The following AEBP2 variants were observed in gnomAD, a reference collection of about 807,000 sequenced individuals.
The protein encoded by AEBP2 is AE binding protein 2.
A neutral mutation model predicts 50.8 loss-of-function variants in AEBP2; 10 were observed. The ratio of observed to expected loss-of-function variants is 0.20; its 90% CI spans 0.12 to 0.33. The LOEUF (loss-of-function observed/expected upper bound fraction) is 0.33, where lower values mean the gene tolerates loss of function less well. Among genes scored for constraint, AEBP2 ranks in the 10% least tolerant of loss-of-function variants. The pLI is 1.00. For missense variants in AEBP2, 570 were observed against 688.0 expected (o/e 0.83, Z 1.92); for synonymous variants, 296 against 261.3 (o/e 1.13, Z -1.28).
chr12:19,494,395 C>T (rs1948939149), intron 4 of AEBP2, among the ~76,000 whole-genome samples: 1 of 151,854 alleles, frequency 6.6e-6, no homozygotes, highest in African/African-American at 2.4e-5. Context: ...GTGATCGCGC[C>T]ACCACACTTG....
At chr12:19,473,881 A>G (rs6486961) in intron 3 of AEBP2, among the ~76,000 whole-genome samples, 76,227 of 152,000 alleles carry the variant, frequency 0.5, 20,302 homozygotes, top group Non-Finnish European at 0.61. Flanking sequence ...TTTGAAGTAC[A>G]GGAGAAATGT....
intron 1 of AEBP2, among the ~76,000 whole-genome samples, chr12:19,454,865 G>A (rs772058354): frequency 6.6e-6 from 1 of 152,160 alleles, no homozygotes; most frequent in South Asian, 2.1e-4. Context: ...TGCCGATAAG[G>A]CTTGCCCCTA....
chr12:19,468,720 A>G (rs1215836118), intron 2 of AEBP2, among the ~76,000 whole-genome samples: 1 of 152,154 alleles, frequency 6.6e-6, no homozygotes, highest in Non-Finnish European at 1.5e-5. Flanking sequence ...AAGGAGACTC[A>G]GACTACCCTT....
intron 2 of AEBP2, among the ~76,000 whole-genome samples, chr12:19,467,459 T>A (rs960558446): frequency 6.6e-6 from 1 of 152,002 alleles, no homozygotes; most frequent in Non-Finnish European, 1.5e-5. Flanking sequence ...ACACCTGACT[T>A]ACTTTTGTAT....
intron 1 of AEBP2, chr12:19,413,545 G>T: frequency 1.4e-6 from 1 of 712,836 alleles, no homozygotes; most frequent in Non-Finnish European, 2.6e-6. Flanking sequence ...TTTGTTTATT[G>T]TCTATATGCC....
At chr12:19,413,068 A>T (rs1018232483) in intron 1 of AEBP2, 16 of 543,516 alleles carry the variant, frequency 2.9e-5, no homozygotes, top group Non-Finnish European at 5.4e-5. Context: ...ATCCAAGCAC[A>T]GTCTCAGCTT....
At chr12:19,460,708 C>T (rs1948360632) in intron 1 of AEBP2, among the ~76,000 whole-genome samples, 2 of 149,056 alleles carry the variant, frequency 1.3e-5, no homozygotes, top group African/African-American at 2.5e-5. Flanking sequence ...AGGTTGGAGT[C>T]CAGTGCCGCT....
Position 19,520,946 on chromosome 12 carries a change from CTG to C in AEBP2, c.*2831_*2832del, listed in dbSNP as rs1949388318. 1 of 152,182 alleles carries C rather than the reference CTG, an allele frequency of 6.6e-6. No individual in the cohort carries two copies. Among genetic ancestry groups the C allele is most frequent in the African/African-American group, 2.4e-5 (1 of 41,534 alleles). The allele number at this position is 152,182 out of a possible 1,614,324, so 9.4% of individuals were successfully genotyped here. On this transcript the variant is annotated 3_prime_UTR_variant, in exon 8 of 8. Coordinates refer to ENST00000266508, the MANE Select transcript of AEBP2 (RefSeq NM_153207.5). Reference sequence around the variant, plus strand: ...TGTTTCATGCACAAAATTATTAAAACTGTTGTATAAAATTACCTTCAGTCTAT... The same window carrying C: ...TGTTTCATGCACAAAATTATTAAAACTTGTATAAAATTACCTTCAGTCTAT...
chr12:19,428,813 CAA>C (rs549687367), intron 1 of AEBP2, among the ~76,000 whole-genome samples: 5 of 134,594 alleles, frequency 3.7e-5, no homozygotes, highest in Non-Finnish European at 3.2e-5. Flanking sequence ...AACTCCATCT[CAA>C]AAAAAAAAAA....
chr12:19,455,863 G>A (rs1013884799), intron 1 of AEBP2, among the ~76,000 whole-genome samples: 1 of 151,952 alleles, frequency 6.6e-6, no homozygotes, highest in Non-Finnish European at 1.5e-5. Flanking sequence ...TTAAAAATTT[G>A]GTTTACCATT....
intron 5 of AEBP2, among the ~76,000 whole-genome samples, chr12:19,507,883 T>C (rs1949174408): frequency 1.3e-5 from 2 of 152,236 alleles, no homozygotes; most frequent in Non-Finnish European, 2.9e-5. Context: ...TACTTTGTTA[T>C]CAAATTAACT....
rs74064123 is a variant in AEBP2, at chr12:19,490,995, T to A, written c.988-2805T>A. ...GTGAATTTCACTTTAATGAATAATA[T>A]TAATTTAAATGAAATAAAGTTAAAA... On this transcript the variant is annotated intron_variant, in intron 3 of 7. Coordinates refer to ENST00000266508, the MANE Select transcript of AEBP2 (RefSeq NM_153207.5). Among the ~76,000 whole-genome samples, 1,112 of 152,302 alleles carry A rather than the reference T, an allele frequency of 7.3e-3. 14 individuals carry two copies. Among genetic ancestry groups the A allele is most frequent in the African/African-American group, 0.025 (1,048 of 41,560 alleles).
intron 1 of AEBP2, chr12:19,413,137 C>G: frequency 2.8e-6 from 2 of 719,332 alleles, no homozygotes; most frequent in South Asian, 2.8e-5. Flanking sequence ...TGTTCTGACC[C>G]AAGTTTAGCC....
At chr12:19,452,805 G>A (rs534264417) in intron 1 of AEBP2, among the ~76,000 whole-genome samples, 1 of 152,184 alleles carries the variant, frequency 6.6e-6, no homozygotes, top group South Asian at 2.1e-4. Context: ...AATCTTTCTA[G>A]TATAAGTGGC....
chr12:19,434,175 ATT>A (rs1325645174), intron 1 of AEBP2, among the ~76,000 whole-genome samples: 11 of 137,552 alleles, frequency 8.0e-5, no homozygotes, highest in Admixed American at 7.4e-5. Context: ...TAGATTAGTA[ATT>A]TTTTTTTTTT....
chr12:19,445,085 T>C (rs573734347), intron 1 of AEBP2, among the ~76,000 whole-genome samples: 1 of 152,238 alleles, frequency 6.6e-6, no homozygotes, highest in South Asian at 2.1e-4. Context: ...CAATAATGGT[T>C]CCTATCCTGT....
At chr12:19,497,813 A>G (rs1754146634) in intron 4 of AEBP2, among the ~76,000 whole-genome samples, 1 of 152,240 alleles carries the variant, frequency 6.6e-6, no homozygotes, top group Non-Finnish European at 1.5e-5. Context: ...AGTTAAAAAA[A>G]TACTGAGCAC....
chr12:19,480,866 T>A (rs1172679660), intron 3 of AEBP2, among the ~76,000 whole-genome samples: 2 of 152,208 alleles, frequency 1.3e-5, no homozygotes, highest in African/African-American at 4.8e-5. Flanking sequence ...TCCTCAGTTA[T>A]TCACCTCGAG....
intron 1 of AEBP2, chr12:19,457,290 A>C: frequency 2.6e-6 from 4 of 1,565,846 alleles, no homozygotes; most frequent in Non-Finnish European, 3.5e-6. Flanking sequence ...TGGCAGCAAC[A>C]ATCAGGACAG....
Sources: gnomAD v4.1 joint callset for allele counts (sites outside exome capture counted in the v4.1 genomes callset) on GRCh38, gnomAD v4.1.1 for gene constraint, MANE v1.5 for transcripts, NCBI Gene and HGNC (gene_info 2026-07-23, HGNC 2026-07-21) for gene names.